USH2A: variants seen among roughly 807,000 people sequenced by gnomAD.
The protein encoded by USH2A is usherin.
In USH2A, 443 loss-of-function variants were observed where a neutral mutation model predicts 538.9. That is an observed-to-expected ratio of 0.82 (90% confidence interval 0.76 to 0.89). USH2A has a LOEUF of 0.89. USH2A is among the 40% of genes least tolerant of loss of function. The probability of loss-of-function intolerance (pLI) is 0.00; values close to 1 mark genes in which losing one functional copy is unlikely to be tolerated. For missense variants in USH2A, 6,633 were observed against 6,324.8 expected, an observed-to-expected ratio of 1.05 and a Z score of -1.65; for synonymous variants, 2,413 against 2,273.5, an observed-to-expected ratio of 1.06 and a Z score of -1.75.
Position 216,207,287 on chromosome 1 carries a change from T to A in USH2A, c.3302A>T (p.Asp1101Val). The A allele has an allele frequency of 5.0e-6, 8 of 1,614,030 alleles. No homozygotes were observed. Among genetic ancestry groups the A allele is most frequent in the Non-Finnish European group, 6.8e-6 (8 of 1,179,924 alleles). ...CTTAAACTCACTGTATGGGTATTGA[T>A]CCTCTGTTGTGTAGATTTCAAAACC... The part of the protein sequence containing the change: ...RDGFEIYTTE[D>V]QYPYSIQYFL... The change falls in exon 16 of 72, where the codon GAT becomes GTT. Residue 1101 changes from aspartate (D) to valine (V), a missense_variant. By Grantham distance (152) the Asp-to-Val change is radical. Coordinates refer to ENST00000307340, the MANE Select transcript of USH2A (RefSeq NM_206933.4).
chr1:216,139,718 C>G (rs1477370643), intron 21 of USH2A, among the ~76,000 whole-genome samples: 2 of 152,144 alleles, frequency 1.3e-5, no homozygotes, highest in Non-Finnish European at 2.9e-5. Flanking sequence ...CAGTACTTTT[C>G]CTGAGTTCTA....
chr1:216,407,169 G>C (rs1028935384), intron 3 of USH2A, among the ~76,000 whole-genome samples: 3 of 151,752 alleles, frequency 2.0e-5, no homozygotes, highest in Non-Finnish European at 2.9e-5. Context: ...TGAACACTAA[G>C]TATAAGCAAA....
Position 215,749,983 on chromosome 1 carries a change from C to CTT in USH2A, c.11390-6649_11390-6648insAA, listed in dbSNP as rs66533012. Reference sequence around the variant, plus strand: ...CAAATAAAAAAGTTAAATTATTCAACTATTTTTCTCCATGGCTTCATTTCA... The same window carrying CTT: ...CAAATAAAAAAGTTAAATTATTCAACTTTATTTTTCTCCATGGCTTCATTTCA... On this transcript the variant is annotated intron_variant, in intron 58 of 71. Transcript: ENST00000307340. Among the ~76,000 whole-genome samples, 15 of 152,078 alleles carry CTT rather than the reference C, an allele frequency of 9.9e-5. No homozygotes were observed. In the South Asian group the frequency reaches 2.3e-3, roughly 23 times the overall value.
At position 216,289,394 on chromosome 1, in the gene USH2A, C is replaced by T. The variant is rs1177750734; in HGVS notation, c.1857G>A (p.Leu619=). 6.2e-7 allele frequency: 1 copy of T among 1,613,908 alleles called. No homozygotes were observed. Among genetic ancestry groups the T allele is most frequent in the South Asian group, 1.1e-5 (1 of 91,088 alleles). The change falls in exon 11 of 72, where the codon CTG becomes CTA. Residue 619 remains leucine, a synonymous_variant. Transcript: ENST00000307340. Reference sequence around the variant, plus strand: ...CTTGTCGGAAAAAGTAATCCTTGCACAGCTCACAGTTCCTTCCTGCATCAG... The same window carrying T: ...CTTGTCGGAAAAAGTAATCCTTGCATAGCTCACAGTTCCTTCCTGCATCAG... ...EHNTTGRNCE[L]CKDYFFRQVG... is the part of the protein sequence containing the mutation.
At chr1:215,937,588 T>G (rs1424441998) in intron 37 of USH2A, among the ~76,000 whole-genome samples, 1 of 152,080 alleles carries the variant, frequency 6.6e-6, no homozygotes, top group Non-Finnish European at 1.5e-5. Flanking sequence ...TGGGGAGATC[T>G]CCTCCTGTCC....
chr1:216,415,266 T>C (rs1049851157), intron 3 of USH2A, among the ~76,000 whole-genome samples: 1 of 152,112 alleles, frequency 6.6e-6, no homozygotes, highest in African/African-American at 2.4e-5. Context: ...TCTAGTTCAA[T>C]CTTCTTATGT....
chr1:216,112,834 TTTTC>T (rs1417618333), intron 21 of USH2A, among the ~76,000 whole-genome samples: 2 of 152,106 alleles, frequency 1.3e-5, no homozygotes, highest in African/African-American at 4.8e-5. Flanking sequence ...ATGTACCACA[TTTTC>T]TTTATCTAGT....
Position 216,224,230 on chromosome 1 carries a change from G to A in USH2A, c.2994-6680C>T, listed in dbSNP as rs369515739. 9.9e-5 allele frequency among the ~76,000 whole-genome samples: 15 copies of A among 152,268 alleles called. 1 individual carries two copies. Among genetic ancestry groups the A allele is most frequent in the Admixed American group, 3.9e-4 (6 of 15,294 alleles). On this transcript the variant is annotated intron_variant, in intron 14 of 71. Coordinates refer to ENST00000307340, the MANE Select transcript of USH2A (RefSeq NM_206933.4). ...AACTGGAGCAGTCCTGGGGGCTATG[G>A]GGGAGAGTAGTCATAGTCACAGGTC...
intron 37 of USH2A, among the ~76,000 whole-genome samples, chr1:215,958,458 T>G: frequency 6.6e-6 from 1 of 152,170 alleles, no homozygotes; most frequent in Non-Finnish European, 1.5e-5. Flanking sequence ...TTCTGCAGTT[T>G]CCGTTCCCCT....
intron 22 of USH2A, 135 bp from the exon 23 acceptor site, chr1:216,089,274 A>C (rs1571952304): frequency 1.0e-6 from 1 of 973,244 alleles, no homozygotes; most frequent in African/African-American, 1.6e-5. Flanking sequence ...TTCAAACAGA[A>C]CTCAAAATTA....
rs984128268 is a variant in USH2A at position 216,048,462 on chromosome 1, G to A, written c.6163+72C>T. 13 of 1,460,262 alleles carry A rather than the reference G, an allele frequency of 8.9e-6. No homozygotes were observed. The African/African-American group carries it at 1.4e-4, about 16-fold the overall frequency. The allele number at this position is 1,460,262 out of a possible 1,614,324, so 90.5% of individuals were successfully genotyped here. On this transcript the variant is annotated intron_variant, in intron 31 of 71. Coordinates refer to ENST00000307340, the MANE Select transcript of USH2A (RefSeq NM_206933.4). ...GGGTTTGCCAGCAAATGGCCTTGTA[G>A]CATTTAGCTCTTCTCCTATTTTATT...
At position 215,801,133 on chromosome 1, in the gene USH2A, A is replaced by G. The variant is rs1188530883; in HGVS notation, c.9740-2008T>C. On this transcript the variant is annotated intron_variant, in intron 49 of 71. Transcript: ENST00000307340. ...AAGAAAATAGGAATAGATGAAAACT[A>G]CTTCAACATAATCAAGAGTATATGA... Among the ~76,000 whole-genome samples the G allele has an allele frequency of 3.3e-5, 5 of 152,138 alleles. No homozygotes were observed. In the South Asian group the frequency reaches 6.2e-4, roughly 19 times the overall value.
In USH2A at chr1:216,148,198, T is replaced by C. The variant is rs371719024; in HGVS notation, c.4627+27054A>G. On this transcript the variant is annotated intron_variant, in intron 21 of 71. Transcript: ENST00000307340. ...CCTCCATAACTGTTGTGGGTATTGA[T>C]GGCCAGGCTTCTAAACCTCTTAAAA... 4.0e-3 allele frequency among the ~76,000 whole-genome samples: 600 copies of C among 150,568 alleles called. 2 individuals are homozygous for C. Among genetic ancestry groups the C allele is most frequent in the East Asian group, 0.027 (135 of 4,992 alleles).
At chr1:215,921,724 G>A (rs1297397922) in intron 38 of USH2A, among the ~76,000 whole-genome samples, 2 of 151,990 alleles carry the variant, frequency 1.3e-5, no homozygotes, top group Non-Finnish European at 2.9e-5. Flanking sequence ...TACAGTGTCT[G>A]CCTTTTACTA....
Position 215,969,450 on chromosome 1 carries a change from C to T in USH2A, c.6957+1175G>A, listed in dbSNP as rs141009949. On this transcript the variant is annotated intron_variant, in intron 36 of 71. Transcript: ENST00000307340. ...AAGTTGCCAGAACATCAGGAGACAC[C>T]GCTGAGCCAATTTTGTAGCCAGAAC... Among the ~76,000 whole-genome samples, 15 of 152,188 alleles carry T rather than the reference C, an allele frequency of 9.9e-5. No homozygotes were observed. In the East Asian group the frequency reaches 2.5e-3, roughly 26 times the overall value.
rs780917630 is a variant in USH2A at position 215,640,597 on chromosome 1, A to G, written c.14929T>C (p.Leu4977=). ...TDGGRRVYSG[L]DTTLYIPRTA... is the part of the protein sequence containing the mutation. The stretch of plus-strand genomic sequence containing the variant: ...CTCGGTATGTAGAGGGTGGTGTCCA[A>G]GCCGCTGTACACGCGTCGCCCTCCG... Residue 4977 remains leucine (L), a synonymous_variant, in exon 68 of 72, where the codon TTG becomes CTG. Coordinates refer to ENST00000307340, the MANE Select transcript of USH2A (RefSeq NM_206933.4). 6.2e-7 allele frequency: 1 copy of G among 1,613,946 alleles called. No individual in the cohort carries two copies. Among genetic ancestry groups the G allele is most frequent in the South Asian group, 1.1e-5 (1 of 91,044 alleles).
Position 216,423,263 on chromosome 1 carries a change from T to C in USH2A, c.-254A>G, listed in dbSNP as rs1253375305. 1 of 152,214 alleles carries C rather than the reference T, an allele frequency of 6.6e-6. No individual in the cohort carries two copies. The highest frequency in any genetic ancestry group is 1.5e-5 in the Non-Finnish European group (1 of 68,042). 9.4% of individuals were successfully genotyped at this position (152,214 alleles called of 1,614,324 possible). A position where few individuals can be genotyped will look rare whatever the true frequency, so the allele number is the denominator to read the frequency against. ...GTCCCCTCAGTGTGACAAATGGCTC[T>C]TCAACAGGACCGCTGTCCCTCGTTG... On this transcript the variant is annotated 5_prime_UTR_variant, in exon 1 of 72. Transcript: ENST00000307340.
At chr1:216,365,620 TATTCTAGACTAATCA>T (rs1323237389) in intron 3 of USH2A, among the ~76,000 whole-genome samples, 1 of 152,186 alleles carries the variant, frequency 6.6e-6, no homozygotes, top group African/African-American at 2.4e-5. Flanking sequence ...TTGCCAATCA[TATTCTAGACTAATCA>T]ATCAAGCAAG....
intron 67 of USH2A, among the ~76,000 whole-genome samples, chr1:215,645,956 A>G (rs1028538842): frequency 1.3e-5 from 2 of 152,218 alleles, no homozygotes; most frequent in South Asian, 4.1e-4. Flanking sequence ...ATTAATTTAT[A>G]TATGGAATAT....
Sources: gnomAD v4.1 joint callset for allele counts (sites outside exome capture counted in the v4.1 genomes callset) on GRCh38, gnomAD v4.1.1 for gene constraint, MANE v1.5 for transcripts, NCBI Gene and HGNC (gene_info 2026-07-23, HGNC 2026-07-21) for gene names.